DACH2: variants seen among roughly 807,000 people sequenced by gnomAD.
The protein encoded by DACH2 is dachshund family transcription factor 2.
Under a neutral mutation model 35.8 loss-of-function variants are expected in DACH2, and 17 were observed. That is an observed-to-expected ratio of 0.48 (90% confidence interval 0.33 to 0.71). The LOEUF is 0.71. DACH2 is among the 30% of genes least tolerant of loss of function. The probability of loss-of-function intolerance (pLI) is 0.02; values close to 1 mark genes in which losing one functional copy is unlikely to be tolerated. For synonymous variants in DACH2, 195 were observed against 177.3 expected, an observed-to-expected ratio of 1.10 and a Z score of -0.79; for missense variants, 469 against 472.7, an observed-to-expected ratio of 0.99 and a Z score of 0.07.
At chrX:86,254,974 C>A (rs2033489393) in intron 1 of DACH2, among the ~76,000 whole-genome samples, 1 of 107,670 alleles carries the variant, frequency 9.3e-6, no homozygotes, top group African/African-American at 3.4e-5. Flanking sequence ...GCTGTTGGGA[C>A]TGACAGATCA....
chrX:86,258,197 C>T (rs186693245), intron 1 of DACH2, among the ~76,000 whole-genome samples: 367 of 111,751 alleles, frequency 3.3e-3, no homozygotes, highest in African/African-American at 0.011. Flanking sequence ...TCATACAATT[C>T]TTTTTAAATT....
rs36194671 is a variant in DACH2 at position 86,411,020 on chromosome X, T to TTATATA, written c.527+34172_527+34177dup. Among the ~76,000 whole-genome samples the TTATATA allele has an allele frequency of 1.3e-3, 53 of 40,506 alleles. 3 individuals carry two copies. Among genetic ancestry groups the TTATATA allele is most frequent in the East Asian group, 3.6e-3 (2 of 555 alleles). 35.2% of individuals were successfully genotyped at this position (40,506 alleles called of 115,157 possible). ...CTCTAGAGGGACAGAACTAATATGA[T>TTATATA]TATATATATATATATATATGTATAT... On this transcript the variant is annotated intron_variant, in intron 2 of 11. Transcript: ENST00000373125.
intron 2 of DACH2, among the ~76,000 whole-genome samples, chrX:86,440,792 G>A (rs1323783370): frequency 3.6e-5 from 4 of 110,962 alleles, no homozygotes; most frequent in Non-Finnish European, 5.7e-5. Flanking sequence ...CATATATATT[G>A]CCTCATGTAT....
intron 7 of DACH2, among the ~76,000 whole-genome samples, chrX:86,787,074 CTG>C (rs1238935044): frequency 9.0e-6 from 1 of 111,731 alleles, no homozygotes. Context: ...TCATGTGGAA[CTG>C]TAAGTCCATT....
At chrX:86,517,567 C>A (rs1470118837) in intron 3 of DACH2, among the ~76,000 whole-genome samples, 1 of 109,686 alleles carries the variant, frequency 9.1e-6, no homozygotes, top group Non-Finnish European at 1.9e-5. Context: ...CAGGCACCCA[C>A]CACCACACCT....
intron 1 of DACH2, among the ~76,000 whole-genome samples, chrX:86,197,413 C>A (rs1350969478): frequency 9.0e-6 from 1 of 111,346 alleles, no homozygotes; most frequent in Admixed American, 9.6e-5. Flanking sequence ...CATATGAATA[C>A]CAACCTTGAA....
At chrX:86,382,261 G>T (rs1225915864) in intron 2 of DACH2, among the ~76,000 whole-genome samples, 1 of 109,268 alleles carries the variant, frequency 9.2e-6, no homozygotes, top group South Asian at 3.9e-4. Flanking sequence ...TTTGGAGAGA[G>T]ACTTTTTATT....
intron 3 of DACH2, among the ~76,000 whole-genome samples, chrX:86,570,682 C>T (rs962294274): frequency 9.1e-6 from 1 of 109,889 alleles, no homozygotes; most frequent in Admixed American, 9.8e-5. Flanking sequence ...CACCATGGCA[C>T]ACGTTTACCT....
chrX:86,814,795 C>A lies in DACH2; in HGVS notation c.1645C>A (p.Gln549Lys), dbSNP rs781497456. ...RREQVEQALK[Q>K]ATTSDSGLRM... ...GGAGCAAGTGGAGCAGGCACTTAAG[C>A]AAGCCACCACTAGTGACAGTGGCCT... The change falls in exon 10 of 12, where the codon CAA (glutamine) becomes AAA (lysine). Residue 549 changes from glutamine (Q) to lysine (K), a missense_variant. By Grantham distance (53) the Gln-to-Lys change is moderately conservative (BLOSUM62 1). Coordinates refer to ENST00000373125, the MANE Select transcript of DACH2 (RefSeq NM_053281.3). 8.3e-7 allele frequency: 1 copy of A among 1,210,910 alleles called. No individual in the cohort carries two copies. Among genetic ancestry groups the A allele is most frequent in the Non-Finnish European group, 1.1e-6 (1 of 894,990 alleles).
rs1208995072 is a variant in DACH2, at chrX:86,512,362, G to A, written c.528-1917G>A. Among the ~76,000 whole-genome samples, 10 of 109,719 alleles carry A rather than the reference G, an allele frequency of 9.1e-5. No homozygotes were observed. The Admixed American group carries it at 9.8e-4, about 11-fold the overall frequency. ...ACTACTGGACTAAGAGGCCTCTAAT[G>A]CTTCCCAAGCCTGGGTCAGATTGTT... is the stretch of plus-strand genomic sequence containing the variant. On this transcript the variant is annotated intron_variant, in intron 2 of 11. Coordinates refer to ENST00000373125, the MANE Select transcript of DACH2 (RefSeq NM_053281.3).
chrX:86,552,707 A>G (rs2039066587), intron 3 of DACH2, among the ~76,000 whole-genome samples: 1 of 111,911 alleles, frequency 8.9e-6, no homozygotes, highest in Non-Finnish European at 1.9e-5. Flanking sequence ...AAGATTTGTT[A>G]CACATAGAAC....
chrX:86,531,337 C>T (rs745694621), intron 3 of DACH2, among the ~76,000 whole-genome samples: 5 of 111,423 alleles, frequency 4.5e-5, no homozygotes, highest in Admixed American at 2.9e-4. Context: ...GAGATCTTTG[C>T]CCCAGCCCCT....
chrX:86,239,937 G>A (rs989427511), intron 1 of DACH2, among the ~76,000 whole-genome samples: 1 of 111,772 alleles, frequency 8.9e-6, no homozygotes, highest in African/African-American at 3.3e-5. Flanking sequence ...CTGCATGGAG[G>A]ATTTTAAATA....
chrX:86,263,131 G>C (rs2147964332), intron 1 of DACH2: 1 of 324,453 alleles, frequency 3.1e-6, no homozygotes, highest in African/African-American at 2.9e-5. Flanking sequence ...AGTAATAAAA[G>C]AACCATGTCA....
chrX:86,504,620 C>T (rs1326000402), intron 2 of DACH2, among the ~76,000 whole-genome samples: 2 of 110,831 alleles, frequency 1.8e-5, no homozygotes, highest in East Asian at 2.8e-4. Context: ...TACAACAGAA[C>T]TCTGGAAGTT....
rs755603925 is a variant in DACH2 at position 86,813,035 on chromosome X, G to A, written c.1389+31G>A. 7 of 1,158,290 alleles carry A rather than the reference G, an allele frequency of 6.0e-6. No homozygotes were observed. In the East Asian group the frequency reaches 9.7e-5, roughly 16 times the overall value. ...CAATATTTCTATAAACAAAATAAAT[G>A]TAATACAAGACATTAGCACCTACAT... is the stretch of plus-strand genomic sequence containing the variant. On this transcript the variant is annotated intron_variant, in intron 8 of 11. Coordinates refer to ENST00000373125, the MANE Select transcript of DACH2 (RefSeq NM_053281.3).
chrX:86,722,468 C>A, intron 6 of DACH2, among the ~76,000 whole-genome samples: 1 of 110,857 alleles, frequency 9.0e-6, no homozygotes, highest in East Asian at 2.8e-4. Flanking sequence ...CCCACCTCAG[C>A]CTCTGGAGTA....
chrX:86,248,691 T>C (rs7055063), intron 1 of DACH2, among the ~76,000 whole-genome samples: 11,185 of 110,196 alleles, frequency 0.1, 1,442 homozygotes, highest in African/African-American at 0.35. Flanking sequence ...TTAGAAAAAA[T>C]TGTTCCAGAA....
chrX:86,607,876 A>G (rs186680450), intron 3 of DACH2, among the ~76,000 whole-genome samples: 2,179 of 106,388 alleles, frequency 0.02, 20 homozygotes, highest in Middle Eastern at 0.033. Context: ...TAGTTTACTG[A>G]GAATGATGAT....
Sources: gnomAD v4.1 joint callset for allele counts (sites outside exome capture counted in the v4.1 genomes callset) on GRCh38, gnomAD v4.1.1 for gene constraint, MANE v1.5 for transcripts, NCBI Gene and HGNC (gene_info 2026-07-23, HGNC 2026-07-21) for gene names.